KCNN2: variants seen among roughly 807,000 people sequenced by gnomAD.
KCNN2 encodes potassium calcium-activated channel subfamily N member 2, also known as small conductance calcium-activated potassium channel protein 2.
In KCNN2, 24 loss-of-function variants were observed where a neutral mutation model predicts 55.5. The ratio of observed to expected loss-of-function variants is 0.43; its 90% confidence interval spans 0.31 to 0.61. The LOEUF is 0.61. Among genes scored for constraint, KCNN2 ranks in the 20% least tolerant of loss-of-function variants. The pLI, the probability that KCNN2 is intolerant of heterozygous loss-of-function variation, is 0.08. For missense variants in KCNN2, 754 were observed against 853.6 expected, an observed-to-expected ratio of 0.88 and a Z score of 1.45; for synonymous variants, 431 against 336.1, an observed-to-expected ratio of 1.28 and a Z score of -3.09.
At chr5:114,150,553 T>A (rs1465457727) in intron 1 of KCNN2, among the ~76,000 whole-genome samples, 1 of 152,172 alleles carries the variant, frequency 6.6e-6, no homozygotes. Context: ...ACCCTTGTCA[T>A]CTTACACAAA....
intron 2 of KCNN2, among the ~76,000 whole-genome samples, chr5:114,369,725 T>G (rs1258759257): frequency 6.6e-6 from 1 of 152,162 alleles, no homozygotes; most frequent in Non-Finnish European, 1.5e-5. Context: ...TCCGCCTGCT[T>G]GTGTAAAGAT....
chr5:114,425,274 G>A (rs2150083498), intron 3 of KCNN2, among the ~76,000 whole-genome samples: 1 of 152,256 alleles, frequency 6.6e-6, no homozygotes, highest in Admixed American at 6.5e-5. Context: ...GCAGTTACTA[G>A]GGAAATTCAG....
chr5:114,214,445 A>C (rs1218553555), intron 1 of KCNN2, among the ~76,000 whole-genome samples: 2 of 152,108 alleles, frequency 1.3e-5, no homozygotes, highest in Non-Finnish European at 2.9e-5. Context: ...CTCCAGCCAG[A>C]TTGATTATTA....
intron 2 of KCNN2, among the ~76,000 whole-genome samples, chr5:114,251,983 A>C (rs1754873735): frequency 6.6e-6 from 1 of 150,830 alleles, no homozygotes. Flanking sequence ...GGTTCAAGCA[A>C]TTCTCCCACC....
intron 1 of KCNN2, among the ~76,000 whole-genome samples, chr5:114,107,021 T>A (rs567166671): frequency 2.0e-4 from 31 of 152,184 alleles, no homozygotes; most frequent in African/African-American, 7.0e-4. Context: ...CACATTTAAG[T>A]CTTTAAGTCA....
At chr5:114,385,364 T>A (rs953412657) in intron 2 of KCNN2, among the ~76,000 whole-genome samples, 2 of 152,136 alleles carry the variant, frequency 1.3e-5, no homozygotes, top group Non-Finnish European at 2.9e-5. Flanking sequence ...TTAATTTACA[T>A]AACTGACATC....
At chr5:114,341,824 C>T (rs1012159817) in intron 2 of KCNN2, among the ~76,000 whole-genome samples, 4 of 151,852 alleles carry the variant, frequency 2.6e-5, no homozygotes, top group Admixed American at 1.3e-4. Context: ...TTTGGTCTTT[C>T]CAGTTTTACT....
intron 2 of KCNN2, among the ~76,000 whole-genome samples, chr5:114,324,082 C>T (rs111581211): frequency 3.1e-4 from 47 of 152,234 alleles, no homozygotes; most frequent in African/African-American, 1.1e-3. Flanking sequence ...AGAGTATGAG[C>T]TAAAAAGCAA....
At chr5:114,301,599 C>T (rs1040571068) in intron 2 of KCNN2, among the ~76,000 whole-genome samples, 7 of 152,168 alleles carry the variant, frequency 4.6e-5, no homozygotes, top group Non-Finnish European at 8.8e-5. Context: ...CCACTCATAT[C>T]TGCACTGAGG....
chr5:114,193,024 C>T (rs56655039), intron 1 of KCNN2, among the ~76,000 whole-genome samples: 44,980 of 152,050 alleles, frequency 0.3, 6,756 homozygotes, highest in Middle Eastern at 0.44. Flanking sequence ...AAAAAGGCTA[C>T]AAATTTAGCA....
At chr5:114,416,866 A>G (rs1561617762) in intron 3 of KCNN2, among the ~76,000 whole-genome samples, 1 of 152,230 alleles carries the variant, frequency 6.6e-6, no homozygotes, top group Non-Finnish European at 1.5e-5. Flanking sequence ...AGTAAGGCAC[A>G]TATTATTCAG....
chr5:114,343,589 G>T (rs918115430), intron 2 of KCNN2, among the ~76,000 whole-genome samples: 1 of 152,008 alleles, frequency 6.6e-6, no homozygotes, highest in Non-Finnish European at 1.5e-5. Context: ...AGGAGAGAGG[G>T]GCAAAAGAAT....
At chr5:114,369,432 A>G (rs1439055413) in intron 2 of KCNN2, among the ~76,000 whole-genome samples, 1 of 152,178 alleles carries the variant, frequency 6.6e-6, no homozygotes, top group Non-Finnish European at 1.5e-5. Flanking sequence ...AGATGAAGGA[A>G]GCTAAAAAAG....
intron 1 of KCNN2, among the ~76,000 whole-genome samples, chr5:114,105,603 C>A (rs1292764557): frequency 6.6e-6 from 1 of 152,010 alleles, no homozygotes; most frequent in Non-Finnish European, 1.5e-5. Context: ...ATCAAATTAT[C>A]TTATAATTTT....
intron 2 of KCNN2, among the ~76,000 whole-genome samples, chr5:114,261,530 G>A (rs1408983465): frequency 6.6e-6 from 1 of 152,118 alleles, no homozygotes; most frequent in Non-Finnish European, 1.5e-5. Context: ...AAAGGCAGAG[G>A]GCCAGAACCT....
At chr5:114,130,410 TG>T (rs1377440719) in intron 1 of KCNN2, among the ~76,000 whole-genome samples, 1 of 152,214 alleles carries the variant, frequency 6.6e-6, no homozygotes, top group Non-Finnish European at 1.5e-5. Context: ...GTTGAGGACA[TG>T]GGAAGAAATA....
At chr5:114,141,944 T>C (rs1752290324) in intron 1 of KCNN2, among the ~76,000 whole-genome samples, 1 of 152,258 alleles carries the variant, frequency 6.6e-6, no homozygotes, top group Non-Finnish European at 1.5e-5. Flanking sequence ...GAGAAGTGTC[T>C]GTTCATATCC....
upstream of KCNN2, chr5:114,361,149 A>C (rs1330652504): frequency 6.6e-6 from 1 of 152,176 alleles, no homozygotes; most frequent in East Asian, 1.9e-4. Context: ...GAAGGCGCAA[A>C]TGTGAGCTGG....
chr5:114,156,695 A>G (rs1338274791), intron 1 of KCNN2, among the ~76,000 whole-genome samples: 2 of 152,116 alleles, frequency 1.3e-5, no homozygotes, highest in Non-Finnish European at 2.9e-5. Flanking sequence ...CTATTGGTGT[A>G]TAGGAATGCT....
Sources: gnomAD v4.1 joint callset for allele counts (sites outside exome capture counted in the v4.1 genomes callset) on GRCh38, gnomAD v4.1.1 for gene constraint, MANE v1.5 for transcripts, NCBI Gene and HGNC (gene_info 2026-07-23, HGNC 2026-07-21) for gene names.